Variants in EPSTI1 observed in about 807,000 individuals in gnomAD.
The protein encoded by EPSTI1 is epithelial-stromal interaction protein 1.
EPSTI1 carries 66 observed loss-of-function variants against 49.9 expected under a neutral mutation model. The observed-to-expected ratio is 1.32, with a 90% confidence interval of 1.08 to 1.62. The LOEUF is 1.62. Ranked by LOEUF, EPSTI1 falls within the 40% of genes most tolerant of loss-of-function variation. EPSTI1 has a pLI of 0.00. For synonymous variants in EPSTI1, 137 were observed against 130.7 expected, an observed-to-expected ratio of 1.05 and a Z score of -0.33; for missense variants, 394 against 365.5, an observed-to-expected ratio of 1.08 and a Z score of -0.64.
At chr13:42,902,774 GAC>G (rs1381955637) in intron 8 of EPSTI1, among the ~76,000 whole-genome samples, 1 of 152,192 alleles carries the variant, frequency 6.6e-6, no homozygotes, top group African/African-American at 2.4e-5. Context: ...TGGGATCAGA[GAC>G]ACAGTTTTAG....
chr13:42,913,320 C>G (rs544924500), intron 8 of EPSTI1, among the ~76,000 whole-genome samples: 1 of 151,962 alleles, frequency 6.6e-6, no homozygotes, highest in South Asian at 2.1e-4. Context: ...CTACTTTAAA[C>G]AATGACACAG....
chr13:42,891,129 T>A (rs1434629276), intron 10 of EPSTI1, among the ~76,000 whole-genome samples: 2 of 152,248 alleles, frequency 1.3e-5, no homozygotes, highest in Non-Finnish European at 2.9e-5. Flanking sequence ...CTTTTTCATA[T>A]TTATTCTGTC....
In EPSTI1 at chr13:42,953,997, T is replaced by A. The variant is rs530257017; in HGVS notation, c.514A>T (p.Arg172Ter). The A allele has an allele frequency of 4.3e-6, 7 of 1,610,446 alleles. No homozygotes were observed. The South Asian group carries it at 7.7e-5, about 18-fold the overall frequency. The change falls in exon 6 of 11, where the codon AGA becomes TGA. Residue 172 changes from arginine to a stop codon, truncating the protein, a stop_gained. Coordinates refer to ENST00000313624, the MANE Select transcript of EPSTI1 (RefSeq NM_033255.5). LOFTEE classifies it high-confidence loss of function. ...EKSNKLEEKK[R>*]LQENLRREAF... ...TCTCTTCTAAGGTTTTCTTGAAGTC[T>A]TTTTTTCTCCTCCAGTTTATTGCTC... is the stretch of plus-strand genomic sequence containing the variant.
At chr13:42,970,794 A>C in intron 1 of EPSTI1, 124 bp from the exon 2 acceptor site, 1 of 717,188 alleles carries the variant, frequency 1.4e-6, no homozygotes, top group South Asian at 2.1e-5. Flanking sequence ...GGCACTATGA[A>C]AGATAATCTT....
intron 6 of EPSTI1, among the ~76,000 whole-genome samples, chr13:42,928,734 A>G (rs913446984): frequency 6.6e-6 from 1 of 152,226 alleles, no homozygotes; most frequent in Admixed American, 6.5e-5. Context: ...GAAAATTTAC[A>G]TTCTCCTCTT....
chr13:42,956,002 G>A (rs1222534902), intron 5 of EPSTI1, among the ~76,000 whole-genome samples: 1 of 151,976 alleles, frequency 6.6e-6, no homozygotes, highest in Non-Finnish European at 1.5e-5. Context: ...ATACAGCTAC[G>A]AACAGAGAAG....
At chr13:42,890,353 G>A (rs7326808) in intron 10 of EPSTI1, among the ~76,000 whole-genome samples, 142,129 of 148,420 alleles carry the variant, frequency 0.96, 68,328 homozygotes, top group East Asian at 1. Context: ...GCTGGACTGT[G>A]GTGGCGCAAT....
At chr13:42,888,625 A>T (rs1015310036) in intron 10 of EPSTI1, 123 bp from the exon 11 acceptor site, 3 of 974,078 alleles carry the variant, frequency 3.1e-6, no homozygotes, top group Admixed American at 2.8e-5. Context: ...ACCATTTTTT[A>T]AAATTAACAA....
intron 7 of EPSTI1, among the ~76,000 whole-genome samples, chr13:42,920,643 A>C (rs1381581095): frequency 6.6e-6 from 1 of 152,206 alleles, no homozygotes; most frequent in African/African-American, 2.4e-5. Context: ...TGCAGGTGCT[A>C]ATTCACCAAA....
At chr13:42,958,641 A>G (rs2039347559) in intron 5 of EPSTI1, among the ~76,000 whole-genome samples, 1 of 152,180 alleles carries the variant, frequency 6.6e-6, no homozygotes, top group Admixed American at 6.5e-5. Context: ...GAGAGTAAGA[A>G]AAGAGAAAAA....
chr13:42,989,734 C>T (rs901233976), intron 1 of EPSTI1, among the ~76,000 whole-genome samples: 50 of 151,622 alleles, frequency 3.3e-4, no homozygotes, highest in Non-Finnish European at 6.3e-4. Flanking sequence ...GCTGGGACTA[C>T]AGGCGCCTGC....
chr13:42,946,670 T>G (rs1027384117), intron 6 of EPSTI1, among the ~76,000 whole-genome samples: 7 of 152,238 alleles, frequency 4.6e-5, no homozygotes, highest in Non-Finnish European at 1.0e-4. Flanking sequence ...TCTTTCTCTC[T>G]GAGCTGTCTG....
intron 8 of EPSTI1, among the ~76,000 whole-genome samples, chr13:42,902,065 A>G (rs1161718503): frequency 6.6e-6 from 1 of 151,998 alleles, no homozygotes; most frequent in East Asian, 1.9e-4. Flanking sequence ...ATGATTTCCA[A>G]TTTCATCCAT....
intron 1 of EPSTI1, among the ~76,000 whole-genome samples, chr13:42,975,785 AAC>A (rs1005540520): frequency 1.3e-5 from 2 of 151,188 alleles, no homozygotes; most frequent in Non-Finnish European, 1.5e-5. Context: ...TCTTCACTTA[AAC>A]ACACACACAC....
intron 1 of EPSTI1, among the ~76,000 whole-genome samples, chr13:42,985,145 A>T (rs1178611907): frequency 2.0e-5 from 3 of 152,232 alleles, no homozygotes; most frequent in African/African-American, 7.2e-5. Flanking sequence ...AATAAAAGAC[A>T]GTGAGAGAGG....
At chr13:42,973,343 G>A (rs559174119) in intron 1 of EPSTI1, among the ~76,000 whole-genome samples, 4 of 152,162 alleles carry the variant, frequency 2.6e-5, no homozygotes, top group Non-Finnish European at 5.9e-5. Context: ...GGTTTTTACT[G>A]AAAGCATTTT....
At chr13:42,972,963 C>T (rs2039801385) in intron 1 of EPSTI1, among the ~76,000 whole-genome samples, 1 of 152,226 alleles carries the variant, frequency 6.6e-6, no homozygotes, top group Non-Finnish European at 1.5e-5. Context: ...TTCATAGAGA[C>T]CTCAGAAGAG....
chr13:42,988,813 T>G (rs1033916299), intron 1 of EPSTI1, among the ~76,000 whole-genome samples: 2 of 151,578 alleles, frequency 1.3e-5, no homozygotes, highest in Admixed American at 1.3e-4. Context: ...TAGCCACAGA[T>G]TTTTACTAGT....
At chr13:42,897,892 G>T (rs1279593285) in intron 9 of EPSTI1, among the ~76,000 whole-genome samples, 1 of 152,194 alleles carries the variant, frequency 6.6e-6, no homozygotes, top group African/African-American at 2.4e-5. Context: ...TGCTACTGCA[G>T]TCAAAATTGT....
Sources: gnomAD v4.1 joint callset for allele counts (sites outside exome capture counted in the v4.1 genomes callset) on GRCh38, gnomAD v4.1.1 for gene constraint, MANE v1.5 for transcripts, NCBI Gene and HGNC (gene_info 2026-07-23, HGNC 2026-07-21) for gene names.